Variants in GRID1 observed in about 807,000 individuals in gnomAD.
The protein encoded by GRID1 is glutamate receptor ionotropic, delta-1.
Under a neutral mutation model 98.0 loss-of-function variants are expected in GRID1, and 28 were observed. The observed-to-expected ratio is 0.29, with a 90% CI of 0.21 to 0.39. The LOEUF is 0.39. Among genes scored for constraint, GRID1 ranks in the 10% least tolerant of loss-of-function variants. GRID1 has a pLI of 1.00. For synonymous variants in GRID1, 553 were observed against 538.5 expected, an observed-to-expected ratio of 1.03 and a Z score of -0.37; for missense variants, 1,111 against 1,340.5, an observed-to-expected ratio of 0.83 and a Z score of 2.67.
chr10:85,972,616 T>G (rs1366063106), intron 4 of GRID1, among the ~76,000 whole-genome samples: 1 of 151,956 alleles, frequency 6.6e-6, no homozygotes, highest in African/African-American at 2.4e-5. Context: ...TACACAATAG[T>G]CTATTGCGTG....
At chr10:86,320,364 T>G (rs1847952940) in intron 2 of GRID1, among the ~76,000 whole-genome samples, 1 of 152,178 alleles carries the variant, frequency 6.6e-6, no homozygotes, top group African/African-American at 2.4e-5. Flanking sequence ...GGTGACAGAA[T>G]GGGCATTTCA....
intron 4 of GRID1, among the ~76,000 whole-genome samples, chr10:86,084,067 C>A (rs367709536): frequency 1.3e-5 from 2 of 152,182 alleles, no homozygotes; most frequent in Non-Finnish European, 2.9e-5. Context: ...TGTGATCAGG[C>A]CCTGGCATGG....
intron 4 of GRID1, among the ~76,000 whole-genome samples, chr10:86,123,948 C>T (rs1471991212): frequency 6.6e-6 from 1 of 152,206 alleles, no homozygotes; most frequent in Non-Finnish European, 1.5e-5. Flanking sequence ...CCCATGCAGG[C>T]GGCCTGAGTG....
chr10:86,087,963 G>A (rs992519688), intron 4 of GRID1, among the ~76,000 whole-genome samples: 1 of 152,214 alleles, frequency 6.6e-6, no homozygotes, highest in Non-Finnish European at 1.5e-5. Context: ...TACAGTCAGT[G>A]CAGAAGCAGG....
chr10:85,849,884 G>A (rs1404936649), intron 8 of GRID1, among the ~76,000 whole-genome samples: 1 of 152,192 alleles, frequency 6.6e-6, no homozygotes, highest in African/African-American at 2.4e-5. Flanking sequence ...CCAGAGTAAA[G>A]CTTGACCCCC....
chr10:86,184,170 T>A (rs1222175296), intron 3 of GRID1, among the ~76,000 whole-genome samples: 2 of 152,250 alleles, frequency 1.3e-5, no homozygotes, highest in East Asian at 1.9e-4. Context: ...TTATCAGCTA[T>A]GTGATTCATA....
At chr10:86,003,753 G>A (rs2131876542) in intron 4 of GRID1, among the ~76,000 whole-genome samples, 1 of 152,306 alleles carries the variant, frequency 6.6e-6, no homozygotes, top group Admixed American at 6.5e-5. Context: ...ACATTATAAG[G>A]AGACACCACT....
At chr10:86,135,773 C>T (rs1045431236) in intron 4 of GRID1, among the ~76,000 whole-genome samples, 2 of 151,140 alleles carry the variant, frequency 1.3e-5, no homozygotes, top group Admixed American at 1.3e-4. Flanking sequence ...CTGGTGGTGC[C>T]ATGTGCCCCC....
At chr10:86,300,857 C>G (rs573104897) in intron 2 of GRID1, among the ~76,000 whole-genome samples, 22 of 152,192 alleles carry the variant, frequency 1.4e-4, no homozygotes, top group Admixed American at 5.2e-4. Context: ...GGGTGCAGTC[C>G]GGGAAGCCTG....
chr10:85,979,688 C>T (rs767287626), intron 4 of GRID1, among the ~76,000 whole-genome samples: 1 of 152,204 alleles, frequency 6.6e-6, no homozygotes, highest in Non-Finnish European at 1.5e-5. Flanking sequence ...AGATCACATG[C>T]TGTGGTACTG....
At chr10:85,631,957 A>T (rs1041239325) in intron 13 of GRID1, among the ~76,000 whole-genome samples, 19 of 151,448 alleles carry the variant, frequency 1.3e-4, no homozygotes, top group African/African-American at 4.2e-4. Context: ...CTGTGCAGAT[A>T]CTCCCTGTGT....
At chr10:86,318,308 C>T (rs1393035483) in intron 2 of GRID1, among the ~76,000 whole-genome samples, 1 of 152,244 alleles carries the variant, frequency 6.6e-6, no homozygotes, top group African/African-American at 2.4e-5. Context: ...TTCTGCACAT[C>T]GCATGTAACT....
chr10:85,887,942 C>T (rs1160809686), intron 5 of GRID1, among the ~76,000 whole-genome samples: 2 of 152,098 alleles, frequency 1.3e-5, no homozygotes, highest in Non-Finnish European at 2.9e-5. Context: ...AGCCCTTTTT[C>T]TGCCCTTCCC....
At chr10:85,620,269 G>C (rs1176395251) in intron 13 of GRID1, among the ~76,000 whole-genome samples, 2 of 152,220 alleles carry the variant, frequency 1.3e-5, no homozygotes, top group Non-Finnish European at 2.9e-5. Flanking sequence ...ACATCTCATG[G>C]AGAGGGGAAG....
chr10:85,740,182 C>T (rs1302209522), intron 8 of GRID1, among the ~76,000 whole-genome samples: 1 of 152,120 alleles, frequency 6.6e-6, no homozygotes, highest in African/African-American at 2.4e-5. Flanking sequence ...GTGGGACAAG[C>T]CAGGCTGGAA....
intron 5 of GRID1, among the ~76,000 whole-genome samples, chr10:85,906,993 A>C (rs2352097): frequency 6.6e-6 from 1 of 152,136 alleles, no homozygotes; most frequent in Non-Finnish European, 1.5e-5. Context: ...TCAATAAAAA[A>C]AGAAAAGAGA....
At chr10:86,328,897 C>T (rs1848096391) in intron 2 of GRID1, among the ~76,000 whole-genome samples, 1 of 152,114 alleles carries the variant, frequency 6.6e-6, no homozygotes, top group African/African-American at 2.4e-5. Flanking sequence ...TCACCCCACC[C>T]CCAGCCTCTA....
At chr10:86,171,509 G>A (rs555583825) in intron 3 of GRID1, among the ~76,000 whole-genome samples, 34 of 152,328 alleles carry the variant, frequency 2.2e-4, no homozygotes, top group Admixed American at 2.2e-3. Flanking sequence ...TATTAACCGA[G>A]GTGGGGACCC....
intron 4 of GRID1, among the ~76,000 whole-genome samples, chr10:86,029,988 A>G (rs1428489039): frequency 1.3e-5 from 2 of 152,248 alleles, no homozygotes; most frequent in African/African-American, 4.8e-5. Flanking sequence ...CAGTAGAGCT[A>G]TACATGGTAG....
Sources: gnomAD v4.1 joint callset for allele counts (sites outside exome capture counted in the v4.1 genomes callset) on GRCh38, gnomAD v4.1.1 for gene constraint, MANE v1.5 for transcripts, NCBI Gene and HGNC (gene_info 2026-07-23, HGNC 2026-07-21) for gene names.